METTL8: variants seen among roughly 807,000 people sequenced by gnomAD.
METTL8 encodes tRNA N(3)-cytidine methyltransferase METTL8, mitochondrial.
In METTL8, 32 loss-of-function variants were observed where a neutral mutation model predicts 48.7. That is an observed-to-expected ratio of 0.66 (90% CI 0.50 to 0.88). METTL8 has a LOEUF of 0.88. Among genes scored for constraint, METTL8 ranks in the 40% least tolerant of loss-of-function variants. METTL8 has a pLI of 0.00. For missense variants in METTL8, 464 were observed against 474.4 expected (o/e 0.98, Z 0.20); for synonymous variants, 136 against 157.1 (o/e 0.87, Z 1.01).
intron 1 of METTL8, among the ~76,000 whole-genome samples, chr2:171,398,130 T>C (rs1689288811): frequency 6.6e-6 from 1 of 152,190 alleles, no homozygotes; most frequent in African/African-American, 2.4e-5. Flanking sequence ...GATTCAGCAA[T>C]TCTACTTCTG....
Position 171,349,056 on chromosome 2 carries a change from C to A in METTL8, c.236-9502G>T, listed in dbSNP as rs1428125162. On this transcript the variant is annotated intron_variant, in intron 3 of 9. Transcript: ENST00000375258. ...CTATTTTAAAATGTATAGTTCAGTA[C>A]TGTTGAGTATATTCATATTGTTGTG... Among the ~76,000 whole-genome samples, 4 of 152,084 alleles carry A rather than the reference C, an allele frequency of 2.6e-5. No individual in the cohort carries two copies. In the East Asian group the frequency reaches 5.8e-4, roughly 22 times the overall value.
chr2:171,406,598 G>T (rs938877482), intron 1 of METTL8, among the ~76,000 whole-genome samples: 2 of 152,128 alleles, frequency 1.3e-5, no homozygotes, highest in Non-Finnish European at 2.9e-5. Flanking sequence ...TTGAATTAGG[G>T]CCTCACTCCT....
intron 2 of METTL8, among the ~76,000 whole-genome samples, chr2:171,389,994 C>T: frequency 6.6e-6 from 1 of 152,174 alleles, no homozygotes; most frequent in East Asian, 1.9e-4. Flanking sequence ...GGCTTCAAAG[C>T]TTCAAAGGAC....
At chr2:171,382,938 G>A (rs372025213) in intron 2 of METTL8, among the ~76,000 whole-genome samples, 1 of 151,986 alleles carries the variant, frequency 6.6e-6, no homozygotes, top group Non-Finnish European at 1.5e-5. Flanking sequence ...GCCAGGTGTG[G>A]TGGCGGGCGC....
intron 3 of METTL8, among the ~76,000 whole-genome samples, chr2:171,340,080 TCCAG>T (rs1163904732): frequency 2.0e-5 from 3 of 151,170 alleles, no homozygotes; most frequent in Admixed American, 2.0e-4. Flanking sequence ...TGCCTGTAAT[TCCAG>T]CTACTCAGGA....
intron 2 of METTL8, among the ~76,000 whole-genome samples, chr2:171,366,572 C>T (rs1288019059): frequency 6.6e-6 from 1 of 151,970 alleles, no homozygotes; most frequent in Admixed American, 6.6e-5. Flanking sequence ...GGAATTAGTA[C>T]ACAAGGACTT....
rs536547652 is a variant in METTL8, at chr2:171,369,254, C to T, written c.144-8741G>A. ...CCGGCAGGCGGGGCTTGCAGTGAGC[C>T]GAGATCGCGCCACTGTACTCCAGCC... On this transcript the variant is annotated intron_variant, in intron 2 of 9. Coordinates refer to ENST00000375258, the MANE Select transcript of METTL8 (RefSeq NM_001321154.2). 9.1e-4 allele frequency among the ~76,000 whole-genome samples: 138 copies of T among 152,254 alleles called. 2 individuals are homozygous for T. The South Asian group carries it at 0.027, about 30-fold the overall frequency.
chr2:171,320,837 C>T lies in METTL8; in HGVS notation c.*3335G>A, dbSNP rs923192371. 1 of 152,216 alleles carries T rather than the reference C, an allele frequency of 6.6e-6. No individual in the cohort carries two copies. Among genetic ancestry groups the T allele is most frequent in the African/African-American group, 2.4e-5 (1 of 41,456 alleles). 9.4% of individuals were successfully genotyped at this position (152,216 alleles called of 1,614,324 possible). A position where few individuals can be genotyped will look rare whatever the true frequency, so the allele number is the denominator to read the frequency against. Reference sequence around the variant, plus strand: ...TCCTTGCCACTGATCTCTGACCTCACTCCATTCCATTCTATAGACAACTCC... The same window carrying T: ...TCCTTGCCACTGATCTCTGACCTCATTCCATTCCATTCTATAGACAACTCC... On this transcript the variant is annotated 3_prime_UTR_variant, in exon 10 of 10. Coordinates refer to ENST00000375258, the MANE Select transcript of METTL8 (RefSeq NM_001321154.2).
At chr2:171,408,170 C>T (rs1173848831) in intron 1 of METTL8, among the ~76,000 whole-genome samples, 1 of 152,096 alleles carries the variant, frequency 6.6e-6, no homozygotes, top group African/African-American at 2.4e-5. Context: ...TCATAAACAA[C>T]ATAGTAAGAA....
intron 1 of METTL8, among the ~76,000 whole-genome samples, chr2:171,422,403 G>C (rs1691964645): frequency 6.6e-6 from 1 of 152,186 alleles, no homozygotes; most frequent in Admixed American, 6.5e-5. Context: ...AAAAGAATAA[G>C]AGGATATCTT....
chr2:171,339,720 A>C (rs1347538841), intron 3 of METTL8, among the ~76,000 whole-genome samples, 166 bp from the exon 4 acceptor site: 1 of 152,202 alleles, frequency 6.6e-6, no homozygotes, highest in African/African-American at 2.4e-5. Context: ...TAAAAGGTTG[A>C]AACTACAGAG....
chr2:171,372,358 T>A (rs1017037051), intron 2 of METTL8, among the ~76,000 whole-genome samples: 7 of 152,020 alleles, frequency 4.6e-5, no homozygotes, highest in Admixed American at 1.3e-4. Flanking sequence ...CTCCCTCTCA[T>A]CCCCATTCCC....
intron 3 of METTL8, among the ~76,000 whole-genome samples, chr2:171,357,843 T>C (rs1208777777): frequency 6.6e-6 from 1 of 152,066 alleles, no homozygotes; most frequent in Non-Finnish European, 1.5e-5. Context: ...TACAGGTGCA[T>C]GACCACAACA....
chr2:171,386,283 G>A (rs1415196513), intron 2 of METTL8, among the ~76,000 whole-genome samples: 1 of 152,178 alleles, frequency 6.6e-6, no homozygotes, highest in Non-Finnish European at 1.5e-5. Context: ...AGATTTAATT[G>A]CCTGGCAAAG....
chr2:171,370,977 T>A (rs567521664), intron 2 of METTL8, among the ~76,000 whole-genome samples: 2 of 152,224 alleles, frequency 1.3e-5, no homozygotes, highest in East Asian at 3.9e-4. Context: ...TAAATCAAGT[T>A]GAGTACTTAA....
chr2:171,432,513 T>C (rs1435355873), intron 1 of METTL8, among the ~76,000 whole-genome samples: 2 of 152,182 alleles, frequency 1.3e-5, no homozygotes, highest in African/African-American at 4.8e-5. Flanking sequence ...ATGATTTGAA[T>C]TTCATTTAAG....
In METTL8 at chr2:171,339,376, T is replaced by C; in HGVS notation, c.414A>G (p.Thr138=). 2 of 1,613,438 alleles carry C rather than the reference T, an allele frequency of 1.2e-6. No homozygotes were observed. The highest frequency in any genetic ancestry group is 1.7e-6 in the Non-Finnish European group (2 of 1,179,598). ...GACAGTGCATTCTTGAGAAACGATT[T>C]GTAGCACTAGTTTTTACATGATCCC... The part of the protein sequence containing the change: ...SSWDHVKTSA[T]NRFSRMHCPT... The change falls in exon 4 of 10, where the codon ACA becomes ACG. Residue 138 remains threonine (T), a synonymous_variant. Transcript: ENST00000375258.
rs117239760 is a variant in METTL8 at position 171,346,313 on chromosome 2, C to T, written c.236-6759G>A. Among the ~76,000 whole-genome samples, 293 of 152,288 alleles carry T rather than the reference C, an allele frequency of 1.9e-3. 7 individuals are homozygous for T. The East Asian group carries it at 0.029, about 15-fold the overall frequency. On this transcript the variant is annotated intron_variant, in intron 3 of 9. Coordinates refer to ENST00000375258, the MANE Select transcript of METTL8 (RefSeq NM_001321154.2). ...AAGTGTTGGGATTACAGGTGTGAGCCACCACATCCGGTCCCAGATGCCATA... is the reference window on the plus strand; with the variant it reads ...AAGTGTTGGGATTACAGGTGTGAGCTACCACATCCGGTCCCAGATGCCATA...
intron 1 of METTL8, among the ~76,000 whole-genome samples, chr2:171,420,125 C>T (rs955553408): frequency 7.2e-5 from 11 of 152,066 alleles, no homozygotes; most frequent in East Asian, 3.9e-4. Context: ...CCAAGGTGGG[C>T]GGATCACTTG....
Sources: gnomAD v4.1 joint callset for allele counts (sites outside exome capture counted in the v4.1 genomes callset) on GRCh38, gnomAD v4.1.1 for gene constraint, MANE v1.5 for transcripts, NCBI Gene and HGNC (gene_info 2026-07-23, HGNC 2026-07-21) for gene names.